PTPRM: variants seen among roughly 807,000 people sequenced by gnomAD.
PTPRM encodes receptor-type tyrosine-protein phosphatase mu.
A neutral mutation model predicts 186.7 loss-of-function variants in PTPRM; 47 were observed. The ratio of observed to expected loss-of-function variants is 0.25; its 90% CI spans 0.20 to 0.32. PTPRM has a LOEUF of 0.32. PTPRM is among the 10% of genes least tolerant of loss of function. PTPRM has a pLI of 1.00. For missense variants in PTPRM, 1,494 were observed against 1,865.0 expected (o/e 0.80, Z 3.66); for synonymous variants, 668 against 674.9 (o/e 0.99, Z 0.16).
At chr18:7,643,286 A>C (rs116676075) in intron 1 of PTPRM, among the ~76,000 whole-genome samples, 249 of 152,240 alleles carry the variant, frequency 1.6e-3, no homozygotes, top group African/African-American at 5.8e-3. Flanking sequence ...CCATTATTGG[A>C]AAAACCTATG....
At chr18:8,118,522 G>A (rs2092042576) in intron 13 of PTPRM, among the ~76,000 whole-genome samples, 1 of 152,098 alleles carries the variant, frequency 6.6e-6, no homozygotes, top group African/African-American at 2.4e-5. Context: ...AGATTTGGCT[G>A]GGCATGGTGG....
chr18:7,707,232 T>G (rs1200567567), intron 1 of PTPRM, among the ~76,000 whole-genome samples: 1 of 152,166 alleles, frequency 6.6e-6, no homozygotes, highest in East Asian at 1.9e-4. Context: ...AGAAAAGTGT[T>G]TCATTAATCA....
chr18:7,802,920 A>G (rs2044047299), intron 2 of PTPRM, among the ~76,000 whole-genome samples: 2 of 152,190 alleles, frequency 1.3e-5, no homozygotes, highest in African/African-American at 4.8e-5. Context: ...AATAATTCTA[A>G]TTGTATAATG....
chr18:7,574,274 CT>C (rs2036632382), intron 1 of PTPRM, among the ~76,000 whole-genome samples: 1 of 152,144 alleles, frequency 6.6e-6, no homozygotes, highest in African/African-American at 2.4e-5. Context: ...AGTTGTAAAA[CT>C]CAAATGAATA....
In PTPRM at chr18:8,391,572, T is replaced by C. The variant is rs181804610; in HGVS notation, c.4209-2904T>C. 3.7e-3 allele frequency among the ~76,000 whole-genome samples: 568 copies of C among 152,318 alleles called. 3 individuals carry two copies. Among genetic ancestry groups the C allele is most frequent in the African/African-American group, 0.013 (556 of 41,566 alleles). ...GATGATGCTAGGCTTAAGAATGGAT[T>C]CTCTTTGGTGATACTGATGGTATTG... On this transcript the variant is annotated intron_variant, in intron 31 of 32. Coordinates refer to ENST00000580170, the MANE Select transcript of PTPRM (RefSeq NM_001105244.2).
chr18:8,384,494 T>G (rs572039422), intron 29 of PTPRM, 67 bp from the exon 30 acceptor site: 1 of 1,574,252 alleles, frequency 6.4e-7, no homozygotes, highest in South Asian at 1.1e-5. Context: ...AATACTAACC[T>G]TATCCAAACT....
intron 14 of PTPRM, among the ~76,000 whole-genome samples, chr18:8,189,894 A>G (rs2093688993): frequency 6.6e-6 from 1 of 152,242 alleles, no homozygotes; most frequent in African/African-American, 2.4e-5. Context: ...CTTTCTCTGC[A>G]GTCACTTTTT....
intron 11 of PTPRM, among the ~76,000 whole-genome samples, chr18:8,099,533 G>T (rs1378702208): frequency 2.6e-5 from 4 of 152,084 alleles, no homozygotes; most frequent in Non-Finnish European, 4.4e-5. Context: ...TCAACCACTG[G>T]GGCCGGGACA....
At chr18:7,987,760 A>AT (rs2083043006) in intron 7 of PTPRM, among the ~76,000 whole-genome samples, 1 of 152,070 alleles carries the variant, frequency 6.6e-6, no homozygotes, top group South Asian at 2.1e-4. Flanking sequence ...GATTAAAACC[A>AT]TTTTTTCAGA....
chr18:8,273,723 A>G lies in PTPRM; in HGVS notation c.2754+20309A>G, dbSNP rs993831576. ...AATCATTGGTATATATGGGTCTTTT[A>G]TAAGTTACATTTGCAATTCAAGACT... On this transcript the variant is annotated intron_variant, in intron 19 of 32. Coordinates refer to ENST00000580170, the MANE Select transcript of PTPRM (RefSeq NM_001105244.2). Among the ~76,000 whole-genome samples the G allele has an allele frequency of 1.3e-5, 2 of 152,196 alleles. 1 individual carries two copies. The highest frequency in any genetic ancestry group is 4.1e-4 in the South Asian group (2 of 4,832).
At chr18:8,133,906 T>A (rs1037246933) in intron 13 of PTPRM, among the ~76,000 whole-genome samples, 1 of 152,126 alleles carries the variant, frequency 6.6e-6, no homozygotes, top group African/African-American at 2.4e-5. Context: ...AGGTATCTAC[T>A]TGGGAGTCAG....
chr18:8,077,462 A>C (rs995728177), intron 9 of PTPRM, among the ~76,000 whole-genome samples: 2 of 152,160 alleles, frequency 1.3e-5, no homozygotes, highest in Non-Finnish European at 2.9e-5. Flanking sequence ...AACACACACA[A>C]AAATTAATTC....
intron 1 of PTPRM, among the ~76,000 whole-genome samples, chr18:7,625,867 T>C (rs2038049291): frequency 1.3e-5 from 2 of 152,212 alleles, no homozygotes; most frequent in Non-Finnish European, 2.9e-5. Flanking sequence ...AGACTTCCTC[T>C]GTCTCTATCA....
At chr18:7,768,642 A>G (rs919667168) in intron 1 of PTPRM, among the ~76,000 whole-genome samples, 1 of 101,168 alleles carries the variant, frequency 9.9e-6, no homozygotes, top group Non-Finnish European at 1.8e-5. Flanking sequence ...AGATATATAT[A>G]TATATATTTT....
intron 2 of PTPRM, among the ~76,000 whole-genome samples, chr18:7,862,161 A>G (rs2146068309): frequency 6.6e-6 from 1 of 152,324 alleles, no homozygotes; most frequent in South Asian, 2.1e-4. Context: ...TAGTGAAATC[A>G]GTTAAGTTCA....
Position 7,825,956 on chromosome 18 carries a change from A to G in PTPRM, c.196+51685A>G, listed in dbSNP as rs78377130. ...TATATTAACTCATTTAATCCTCACC[A>G]TATTTATTCCATAAGGATAGATAGG... On this transcript the variant is annotated intron_variant, in intron 2 of 32. Transcript: ENST00000580170. 6.2e-3 allele frequency among the ~76,000 whole-genome samples: 938 copies of G among 152,242 alleles called. 18 individuals carry two copies. In the East Asian group the frequency reaches 0.066, roughly 11 times the overall value.
chr18:7,763,414 C>T (rs2041872540), intron 1 of PTPRM, among the ~76,000 whole-genome samples: 1 of 152,148 alleles, frequency 6.6e-6, no homozygotes. Context: ...CTGTCATATG[C>T]CCCTTCCTTT....
chr18:8,312,855 A>G (rs1275767755), intron 20 of PTPRM, among the ~76,000 whole-genome samples: 1 of 152,126 alleles, frequency 6.6e-6, no homozygotes, highest in African/African-American at 2.4e-5. Flanking sequence ...ACCCCAACTA[A>G]TGGTAAGGCA....
intron 20 of PTPRM, among the ~76,000 whole-genome samples, chr18:8,299,588 CA>C (rs369444134): frequency 0.019 from 2,740 of 147,922 alleles, 94 homozygotes; most frequent in African/African-American, 0.067. Flanking sequence ...CCAGAGGTCT[CA>C]AAAAAACAAA....
Sources: allele counts gnomAD v4.1 joint callset (sites outside exome capture counted in the v4.1 genomes callset), GRCh38; gene constraint gnomAD v4.1.1; transcripts MANE v1.5; gene names NCBI Gene and HGNC (gene_info 2026-07-23, HGNC 2026-07-21).